Variants in RUNDC3B observed in about 807,000 individuals in gnomAD.
The protein encoded by RUNDC3B is RUN domain-containing protein 3B.
In RUNDC3B, 33 loss-of-function variants were observed where a neutral mutation model predicts 58.4. The ratio of observed to expected loss-of-function variants is 0.56; its 90% CI spans 0.43 to 0.75. The LOEUF is 0.75. Ranked by LOEUF, RUNDC3B falls within the 30% of genes least tolerant of loss-of-function variation. RUNDC3B has a pLI of 0.00. For missense variants in RUNDC3B, 501 were observed against 535.7 expected (o/e 0.94, Z 0.64); for synonymous variants, 193 against 195.2 (o/e 0.99, Z 0.10).
At chr7:87,674,272 A>G (rs1826106064) in intron 2 of RUNDC3B, among the ~76,000 whole-genome samples, 1 of 152,166 alleles carries the variant, frequency 6.6e-6, no homozygotes, top group African/African-American at 2.4e-5. Flanking sequence ...AGTGATGTAC[A>G]TGCAGGTACT....
chr7:87,712,152 G>T (rs554240024), intron 4 of RUNDC3B, among the ~76,000 whole-genome samples: 1 of 152,034 alleles, frequency 6.6e-6, no homozygotes, highest in African/African-American at 2.4e-5. Flanking sequence ...TGTCATGATT[G>T]TAAGTTTGAC....
intron 4 of RUNDC3B, among the ~76,000 whole-genome samples, chr7:87,718,920 A>G (rs909033072): frequency 2.0e-5 from 3 of 152,100 alleles, no homozygotes; most frequent in African/African-American, 4.8e-5. Flanking sequence ...AAGGAAAGCT[A>G]TTTATATTTG....
rs143321659 is a variant in RUNDC3B, at chr7:87,754,416, G to T, written c.629+12837G>T. Among the ~76,000 whole-genome samples the T allele has an allele frequency of 1.4e-3, 219 of 152,268 alleles. 5 individuals carry two copies. The highest frequency in any genetic ancestry group is 9.0e-3 in the Admixed American group (137 of 15,284). ...ATGAGAACAAAGATACAACATACCAGAATCTGTGGGACAGAGCTAAGGCAC... is the reference window on the plus strand; with the variant it reads ...ATGAGAACAAAGATACAACATACCATAATCTGTGGGACAGAGCTAAGGCAC... On this transcript the variant is annotated intron_variant, in intron 6 of 10. Transcript: ENST00000394654.
At chr7:87,737,739 T>C (rs1320432457) in intron 4 of RUNDC3B, among the ~76,000 whole-genome samples, 1 of 152,140 alleles carries the variant, frequency 6.6e-6, no homozygotes, top group African/African-American at 2.4e-5. Flanking sequence ...TTTGCTGTTA[T>C]ATTAAATCAT....
At chr7:87,710,072 T>C (rs995567750) in intron 3 of RUNDC3B, among the ~76,000 whole-genome samples, 1 of 152,166 alleles carries the variant, frequency 6.6e-6, no homozygotes, top group Non-Finnish European at 1.5e-5. Context: ...TCATTATATA[T>C]AATGAAATTT....
intron 9 of RUNDC3B, 52 bp downstream of exon 9, chr7:87,807,571 C>T (rs1047125880): frequency 7.8e-7 from 1 of 1,289,098 alleles, no homozygotes; most frequent in Non-Finnish European, 1.1e-6. Context: ...TGTACCAAAA[C>T]ATATGGCTAT....
intron 8 of RUNDC3B, among the ~76,000 whole-genome samples, chr7:87,804,340 C>CT (rs1254344317): frequency 3.3e-5 from 5 of 152,114 alleles, no homozygotes; most frequent in Non-Finnish European, 7.4e-5. Flanking sequence ...TGTATTTAAG[C>CT]TTTACAAGTG....
rs568586251 is a variant in RUNDC3B, at chr7:87,692,358, A to C, written c.239-8063A>C. Among the ~76,000 whole-genome samples, 19 of 152,266 alleles carry C rather than the reference A, an allele frequency of 1.2e-4. 1 individual carries two copies. In the South Asian group the frequency reaches 3.5e-3, roughly 28 times the overall value. ...TGTAGTCTTAGCTACTCACAAGGCG[A>C]AGGCAGGAGGATCGCTTGAGTCCAA... On this transcript the variant is annotated intron_variant, in intron 2 of 10. Coordinates refer to ENST00000394654, the MANE Select transcript of RUNDC3B (RefSeq NM_001134405.2).
intron 2 of RUNDC3B, among the ~76,000 whole-genome samples, chr7:87,672,929 G>A (rs776603890): frequency 7.2e-5 from 11 of 152,090 alleles, no homozygotes; most frequent in Non-Finnish European, 1.3e-4. Flanking sequence ...TCAATTGAAG[G>A]TGCTATATTA....
intron 8 of RUNDC3B, among the ~76,000 whole-genome samples, chr7:87,787,603 AG>A (rs1353116504): frequency 1.3e-5 from 2 of 152,154 alleles, no homozygotes; most frequent in Non-Finnish European, 2.9e-5. Flanking sequence ...GTTAGTGTGG[AG>A]TATTACAGGA....
At chr7:87,789,254 T>C (rs139785329) in intron 8 of RUNDC3B, among the ~76,000 whole-genome samples, 2 of 152,342 alleles carry the variant, frequency 1.3e-5, no homozygotes, top group East Asian at 3.9e-4. Context: ...CTTTATGGTT[T>C]GAAAGATTAT....
intron 2 of RUNDC3B, among the ~76,000 whole-genome samples, chr7:87,699,690 G>T (rs10250613): frequency 2.0e-5 from 3 of 152,164 alleles, no homozygotes; most frequent in Non-Finnish European, 2.9e-5. Flanking sequence ...ACAAGCATGA[G>T]CTACCATGCC....
intron 2 of RUNDC3B, among the ~76,000 whole-genome samples, chr7:87,673,414 T>G (rs1826023617): frequency 6.6e-6 from 1 of 152,228 alleles, no homozygotes; most frequent in African/African-American, 2.4e-5. Context: ...TTTTGTTTAT[T>G]CCTTTTTATT....
Position 87,628,881 on chromosome 7 carries a change from G to T in RUNDC3B, c.58G>T (p.Gly20Cys), listed in dbSNP as rs369026321. 3 of 1,295,896 alleles carry T rather than the reference G, an allele frequency of 2.3e-6. No individual in the cohort carries two copies. The highest frequency in any genetic ancestry group is 2.1e-4 in the Middle Eastern group (1 of 4,840). The allele number at this position is 1,295,896 out of a possible 1,614,324, so 80.3% of individuals were successfully genotyped here. Reference protein sequence around the residue: ...SGIRGGGGGGGKKSLSARNAA... With the variant: ...SGIRGGGGGGCKKSLSARNAA... ...GATCCGCGGCGGTGGCGGCGGAGGC[G>T]GCAAGAAAAGCCTGAGCGCCCGCAA... Residue 20 changes from glycine to cysteine, a missense_variant, in exon 1 of 11, where the codon GGC becomes TGC. Physicochemically the swap from Gly to Cys is radical, Grantham distance 159. Coordinates refer to ENST00000394654, the MANE Select transcript of RUNDC3B (RefSeq NM_001134405.2).
In RUNDC3B at chr7:87,770,901, G is replaced by A. The variant is rs1043059094; in HGVS notation, c.798+152G>A. ...TGTCCTCCTCTTAATGAAAAATCAG[G>A]CAACTGTAGAAGATACTTTTGTTTG... is the stretch of plus-strand genomic sequence containing the variant. On this transcript the variant is annotated intron_variant, in intron 7 of 10. Transcript: ENST00000394654. 1.1e-5 allele frequency: 6 copies of A among 524,968 alleles called. No individual in the cohort carries two copies. The African/African-American group carries it at 1.2e-4, about 10-fold the overall frequency. 32.5% of individuals were successfully genotyped at this position (524,968 alleles called of 1,614,324 possible).
At chr7:87,827,343 C>T (rs564558364) in intron 10 of RUNDC3B, among the ~76,000 whole-genome samples, 1 of 151,996 alleles carries the variant, frequency 6.6e-6, no homozygotes, top group Non-Finnish European at 1.5e-5. Flanking sequence ...CAAAATTAGC[C>T]AGGTGCGGTG....
rs79138540 is a variant in RUNDC3B at position 87,628,761 on chromosome 7, T to G, written c.-63T>G. 1.1e-5 allele frequency: 11 copies of G among 1,038,946 alleles called. No individual in the cohort carries two copies. The highest frequency in any genetic ancestry group is 1.6e-5 in the African/African-American group (1 of 60,650). The allele number at this position is 1,038,946 out of a possible 1,614,324, so 64.4% of individuals were successfully genotyped here. A position where few individuals can be genotyped will look rare whatever the true frequency, so the allele number is the denominator to read the frequency against. On this transcript the variant is annotated 5_prime_UTR_variant, in exon 1 of 11. Transcript: ENST00000394654. ...GTTGCGGACCGAGCGAGAACCCCCT[T>G]AAGCAGGTGTGGGGGGCGTGCGGGG...
At chr7:87,648,180 G>C (rs1190547927) in intron 1 of RUNDC3B, among the ~76,000 whole-genome samples, 3 of 134,198 alleles carry the variant, frequency 2.2e-5, no homozygotes, top group Non-Finnish European at 4.7e-5. Context: ...GCGAGACTCT[G>C]TCTCAAAAAA....
chr7:87,679,069 A>G (rs2130574950), intron 2 of RUNDC3B, among the ~76,000 whole-genome samples: 1 of 144,888 alleles, frequency 6.9e-6, no homozygotes, highest in South Asian at 2.2e-4. Flanking sequence ...GCCAACTGAC[A>G]TTTATAAAAC....
Sources: allele counts gnomAD v4.1 joint callset (sites outside exome capture counted in the v4.1 genomes callset), GRCh38; gene constraint gnomAD v4.1.1; transcripts MANE v1.5; gene names NCBI Gene and HGNC (gene_info 2026-07-23, HGNC 2026-07-21).